The following RUFY2 variants were observed in gnomAD, a reference collection of about 807,000 sequenced individuals.
RUFY2 encodes the protein RUN and FYVE domain containing 2.
In RUFY2, 49 loss-of-function variants were observed where a neutral mutation model predicts 94.4. That is an observed-to-expected ratio of 0.52 (90% CI 0.41 to 0.66). The LOEUF is 0.66. Ranked by LOEUF, RUFY2 falls within the 30% of genes least tolerant of loss-of-function variation. The probability of loss-of-function intolerance (pLI) is 0.00; values close to 1 mark genes in which losing one functional copy is unlikely to be tolerated. For missense variants in RUFY2, 541 were observed against 692.8 expected, an observed-to-expected ratio of 0.78 and a Z score of 2.46; for synonymous variants, 255 against 235.7, an observed-to-expected ratio of 1.08 and a Z score of -0.75.
chr10:68,364,235 C>A, intron 13 of RUFY2, 122 bp from the exon 14 acceptor site: 1 of 878,650 alleles, frequency 1.1e-6, no homozygotes, highest in Non-Finnish European at 1.6e-6. Context: ...ATTTTTCAGA[C>A]ATTTTCTTTC....
rs534733836 is a variant in RUFY2 at position 68,388,440 on chromosome 10, G to A, written c.651-2312C>T. ...ATCGCGCCATTGCATTCCAGCCTGGGCGACAAGACTAAGACTCCATAAAAA... is the reference window on the plus strand; with the variant it reads ...ATCGCGCCATTGCATTCCAGCCTGGACGACAAGACTAAGACTCCATAAAAA... On this transcript the variant is annotated intron_variant, in intron 7 of 17. Transcript: ENST00000602465. Among the ~76,000 whole-genome samples, 7 of 152,246 alleles carry A rather than the reference G, an allele frequency of 4.6e-5. No homozygotes were observed. The East Asian group carries it at 1.4e-3, about 29-fold the overall frequency.
intron 13 of RUFY2, among the ~76,000 whole-genome samples, chr10:68,374,029 A>G (rs548746144): frequency 7.2e-6 from 1 of 138,930 alleles, no homozygotes; most frequent in East Asian, 2.4e-4. Flanking sequence ...GGTTGGGAGG[A>G]TTGCTTGAGC....
rs540319708 is a variant in RUFY2, at chr10:68,345,617, T to G, written c.*151A>C. On this transcript the variant is annotated 3_prime_UTR_variant, in exon 18 of 18. Transcript: ENST00000602465. ...ACAATGGGGAAGGAAATATATAACT[T>G]GTAATTTCCATGAGCTGAATATGTA... is the stretch of plus-strand genomic sequence containing the variant. 3.3e-6 allele frequency: 2 copies of G among 605,404 alleles called. No homozygotes were observed. Among genetic ancestry groups the G allele is most frequent in the Admixed American group, 6.7e-5 (2 of 29,676 alleles). 37.5% of individuals were successfully genotyped at this position (605,404 alleles called of 1,614,324 possible).
At chr10:68,347,063 G>A (rs1377254307) in intron 16 of RUFY2, among the ~76,000 whole-genome samples, 1 of 151,852 alleles carries the variant, frequency 6.6e-6, no homozygotes. Context: ...AGGCTGCAGT[G>A]AACTATGACT....
chr10:68,351,597 G>A (rs1045730756), intron 16 of RUFY2, among the ~76,000 whole-genome samples: 6 of 151,178 alleles, frequency 4.0e-5, no homozygotes, highest in South Asian at 4.2e-4. Flanking sequence ...CTACAGGTGC[G>A]TGCCACCACA....
chr10:68,405,503 G>C (rs2133289512), intron 1 of RUFY2: 1 of 941,774 alleles, frequency 1.1e-6, no homozygotes, highest in East Asian at 1.2e-4. Context: ...TTTGGGGTGA[G>C]AGACAACAGG....
intron 7 of RUFY2, among the ~76,000 whole-genome samples, chr10:68,392,712 G>A (rs2133051781): frequency 6.6e-6 from 1 of 151,234 alleles, no homozygotes; most frequent in Non-Finnish European, 1.5e-5. Context: ...CACAGGGTCA[G>A]GAGATTGAGA....
chr10:68,382,713 CAA>C (rs1275714576), intron 10 of RUFY2, among the ~76,000 whole-genome samples: 14 of 59,048 alleles, frequency 2.4e-4, no homozygotes, highest in Admixed American at 6.0e-4. Context: ...GACTCTATCT[CAA>C]AAAAAAAAAA....
intron 4 of RUFY2, among the ~76,000 whole-genome samples, chr10:68,394,697 T>C (rs1044171843): frequency 6.6e-6 from 1 of 151,920 alleles, no homozygotes; most frequent in African/African-American, 2.4e-5. Flanking sequence ...TGGCACTATC[T>C]TGGCTCACTG....
At chr10:68,384,474 C>T (rs1251478565) in intron 8 of RUFY2, among the ~76,000 whole-genome samples, 3 of 152,076 alleles carry the variant, frequency 2.0e-5, no homozygotes, top group African/African-American at 7.2e-5. Flanking sequence ...TACAAAGTGT[C>T]TGAGTAAACA....
At chr10:68,383,045 T>C (rs972283650) in intron 10 of RUFY2, among the ~76,000 whole-genome samples, 6 of 152,202 alleles carry the variant, frequency 3.9e-5, no homozygotes, top group East Asian at 1.9e-4. Flanking sequence ...CTGATACAGG[T>C]CAGGCACAGT....
intron 3 of RUFY2, among the ~76,000 whole-genome samples, chr10:68,400,217 G>A (rs2050707831): frequency 6.6e-6 from 1 of 152,014 alleles, no homozygotes; most frequent in South Asian, 2.1e-4. Flanking sequence ...TTGGGAGGCT[G>A]AGGCACGAGA....
At chr10:68,349,126 C>T (rs755091718) in intron 16 of RUFY2, among the ~76,000 whole-genome samples, 1 of 152,088 alleles carries the variant, frequency 6.6e-6, no homozygotes, top group Non-Finnish European at 1.5e-5. Flanking sequence ...TTTTAACAAC[C>T]CACCCAACCA....
intron 13 of RUFY2, among the ~76,000 whole-genome samples, chr10:68,375,671 G>A (rs1455134752): frequency 6.6e-6 from 1 of 151,726 alleles, no homozygotes; most frequent in Non-Finnish European, 1.5e-5. Flanking sequence ...AGCTACTCAG[G>A]AGGCTGAGGC....
At chr10:68,383,666 G>T (rs1259040569) in intron 10 of RUFY2, 132 bp downstream of exon 10, 9 of 687,332 alleles carry the variant, frequency 1.3e-5, no homozygotes, top group Non-Finnish European at 2.1e-5. Context: ...GAAAATTTGA[G>T]AAGATTAAGG....
chr10:68,362,064 C>T (rs1036930118), intron 15 of RUFY2, among the ~76,000 whole-genome samples: 4 of 152,140 alleles, frequency 2.6e-5, no homozygotes, highest in Non-Finnish European at 5.9e-5. Context: ...GTAGCTCACA[C>T]CTGTAATCTC....
Position 68,363,661 on chromosome 10 carries a change from T to G in RUFY2, c.1479A>C (p.Glu493Asp). 1 of 1,605,394 alleles carries G rather than the reference T, an allele frequency of 6.2e-7. No homozygotes were observed. Among genetic ancestry groups the G allele is most frequent in the Non-Finnish European group, 8.5e-7 (1 of 1,176,426 alleles). ...LKKEFLNLQD[E>D]NQQLKKIYHE... ...GATATATTTTTTTCAACTGCTGATT[T>G]TCATCCTGGAGGTTAAGGAACTCCT... The change falls in exon 15 of 18, where the codon GAA becomes GAC. Residue 493 changes from glutamate to aspartate, a missense_variant. Coordinates refer to ENST00000602465, the MANE Select transcript of RUFY2 (RefSeq NM_001330103.2).
At chr10:68,377,753 T>G in intron 12 of RUFY2, 1 of 984,158 alleles carries the variant, frequency 1.0e-6, no homozygotes, top group Non-Finnish European at 1.2e-6. Flanking sequence ...AACTTCAATA[T>G]TTTTATAAGA....
intron 7 of RUFY2, among the ~76,000 whole-genome samples, chr10:68,388,122 A>C (rs2049660365): frequency 6.6e-6 from 1 of 152,130 alleles, no homozygotes; most frequent in African/African-American, 2.4e-5. Context: ...AATCATCAAG[A>C]AAAGCACTTT....
Sources: allele counts gnomAD v4.1 joint callset (sites outside exome capture counted in the v4.1 genomes callset), GRCh38; gene constraint gnomAD v4.1.1; transcripts MANE v1.5; gene names NCBI Gene and HGNC (gene_info 2026-07-23, HGNC 2026-07-21).